The following RORA variants were observed in gnomAD, a reference collection of about 807,000 sequenced individuals.
RORA encodes RAR related orphan receptor A.
Under a neutral mutation model 69.5 loss-of-function variants are expected in RORA, and 7 were observed. That is an observed-to-expected ratio of 0.10 (90% CI 0.06 to 0.19). The LOEUF (loss-of-function observed/expected upper bound fraction) is 0.19. Ranked by LOEUF, RORA falls within the 10% of genes least tolerant of loss-of-function variation. The probability of loss-of-function intolerance (pLI) is 1.00; values close to 1 mark genes in which losing one functional copy is unlikely to be tolerated. For synonymous variants in RORA, 261 were observed against 240.8 expected (o/e 1.08, Z -0.78); for missense variants, 457 against 663.0 (o/e 0.69, Z 3.41).
At chr15:61,125,462 A>T (rs1042477329) in intron 1 of RORA, among the ~76,000 whole-genome samples, 1 of 152,214 alleles carries the variant, frequency 6.6e-6, no homozygotes, top group Admixed American at 6.5e-5. Context: ...GTGTGAAACA[A>T]GTGGGCACAA....
chr15:60,915,285 T>C (rs967127544), intron 1 of RORA, among the ~76,000 whole-genome samples: 4 of 130,578 alleles, frequency 3.1e-5, no homozygotes, highest in Non-Finnish European at 5.0e-5. Context: ...TTGGGACTTC[T>C]TTCCCCAATA....
In RORA at chr15:60,873,098, G is replaced by A. The variant is rs549221744; in HGVS notation, c.167-194412C>T. On this transcript the variant is annotated intron_variant, in intron 1 of 10. Transcript: ENST00000335670. ...TGATCTTTTGTCTCTCCCAGTCTCA[G>A]CTGGTGCCCAGAGCCTCTTGTGCCC... 5.0e-4 allele frequency among the ~76,000 whole-genome samples: 76 copies of A among 152,210 alleles called. 1 individual carries two copies. Among genetic ancestry groups the A allele is most frequent in the Non-Finnish European group, 2.2e-4 (15 of 68,006 alleles).
intron 1 of RORA, among the ~76,000 whole-genome samples, chr15:60,750,165 G>A (rs565286997): frequency 1.3e-5 from 2 of 152,276 alleles, no homozygotes; most frequent in Admixed American, 6.5e-5. Flanking sequence ...AGGAAATGGA[G>A]GTTCAAAAAG....
chr15:60,989,224 C>T (rs1894297555), intron 1 of RORA, among the ~76,000 whole-genome samples: 1 of 150,214 alleles, frequency 6.7e-6, no homozygotes, highest in Admixed American at 6.6e-5. Context: ...TGCTCCCCAT[C>T]CCCTTCTCCT....
At chr15:60,711,522 T>C (rs1462901916) in intron 1 of RORA, among the ~76,000 whole-genome samples, 1 of 152,176 alleles carries the variant, frequency 6.6e-6, no homozygotes, top group Non-Finnish European at 1.5e-5. Flanking sequence ...CATTTTTGCA[T>C]CCTTCCTTCC....
At position 61,110,691 on chromosome 15, in the gene RORA, C is replaced by G. The variant is rs2078998174; in HGVS notation, c.166+118362G>C. Among the ~76,000 whole-genome samples, 2 of 152,068 alleles carry G rather than the reference C, an allele frequency of 1.3e-5. 1 individual carries two copies. Among genetic ancestry groups the G allele is most frequent in the South Asian group, 4.1e-4 (2 of 4,820 alleles). On this transcript the variant is annotated intron_variant, in intron 1 of 10. Coordinates refer to ENST00000335670, the MANE Select transcript of RORA (RefSeq NM_134261.3). ...TGTGGAAGAGAGTGATACTGATGATCCTGATGGTCATAGAGTCATCCATAA... is the reference window on the plus strand; with the variant it reads ...TGTGGAAGAGAGTGATACTGATGATGCTGATGGTCATAGAGTCATCCATAA...
At chr15:60,717,517 T>A (rs1256858162) in intron 1 of RORA, among the ~76,000 whole-genome samples, 1 of 152,340 alleles carries the variant, frequency 6.6e-6, no homozygotes, top group East Asian at 1.9e-4. Context: ...CACTGGCAGT[T>A]AGAAGGCAAG....
chr15:60,749,355 G>A (rs1287079053), intron 1 of RORA, among the ~76,000 whole-genome samples: 1 of 152,154 alleles, frequency 6.6e-6, no homozygotes, highest in Non-Finnish European at 1.5e-5. Flanking sequence ...ACTGCAAATT[G>A]CTCTAAGCAG....
chr15:60,608,503 C>T (rs1432348694), intron 2 of RORA, among the ~76,000 whole-genome samples: 1 of 152,138 alleles, frequency 6.6e-6, no homozygotes, highest in African/African-American at 2.4e-5. Flanking sequence ...AGAGCTGGGA[C>T]TTGAACGGGG....
chr15:60,655,430 A>G (rs1331912562), intron 2 of RORA, among the ~76,000 whole-genome samples: 2 of 152,186 alleles, frequency 1.3e-5, no homozygotes, highest in African/African-American at 4.8e-5. Flanking sequence ...CTTAGCGGCC[A>G]ATTGCTTTAA....
chr15:60,573,795 C>T (rs528525838), intron 2 of RORA, among the ~76,000 whole-genome samples: 31 of 152,350 alleles, frequency 2.0e-4, no homozygotes, highest in African/African-American at 7.5e-4. Context: ...TTGTGCTCCT[C>T]CTCTGTGCTC....
chr15:60,915,155 T>C lies in RORA; in HGVS notation c.167-236469A>G, dbSNP rs1005531078. Among the ~76,000 whole-genome samples, 4 of 152,248 alleles carry C rather than the reference T, an allele frequency of 2.6e-5. No homozygotes were observed. In the East Asian group the frequency reaches 7.7e-4, roughly 29 times the overall value. ...CAGCCCAATATGTTCCTCTGGATTTTAAGTCCCAGGAGGGCAGAAACAAGG... is the reference window on the plus strand; with the variant it reads ...CAGCCCAATATGTTCCTCTGGATTTCAAGTCCCAGGAGGGCAGAAACAAGG... On this transcript the variant is annotated intron_variant, in intron 1 of 10. Transcript: ENST00000335670.
Position 60,623,366 on chromosome 15 carries a change from A to G in RORA, c.196+55291T>C, listed in dbSNP as rs866821504. On this transcript the variant is annotated intron_variant, in intron 2 of 10. Transcript: ENST00000335670. ...GATTTGGGATCTATCAGCAACTACA[A>G]TTCTATTGCACTTGCTTATGATACA... Among the ~76,000 whole-genome samples the G allele has an allele frequency of 3.9e-5, 6 of 152,362 alleles. No homozygotes were observed. In the Middle Eastern group the frequency reaches 0.01, roughly 259 times the overall value.
intron 1 of RORA, among the ~76,000 whole-genome samples, chr15:60,977,838 G>C (rs8032874): frequency 0.21 from 31,532 of 152,066 alleles, 3,421 homozygotes; most frequent in African/African-American, 0.25. Context: ...GGAGATACCA[G>C]ATTTTGCATG....
At chr15:60,598,851 G>GT (rs2068755135) in intron 2 of RORA, among the ~76,000 whole-genome samples, 1 of 152,230 alleles carries the variant, frequency 6.6e-6, no homozygotes, top group South Asian at 2.1e-4. Flanking sequence ...AGGCCCTGTG[G>GT]TCTAGCAGGC....
At chr15:60,613,113 A>G (rs2069138042) in intron 2 of RORA, among the ~76,000 whole-genome samples, 1 of 152,090 alleles carries the variant, frequency 6.6e-6, no homozygotes, top group South Asian at 2.1e-4. Context: ...AGTCATTTCA[A>G]TTCAATTAAG....
At chr15:61,191,112 A>T (rs1278748079) in intron 1 of RORA, among the ~76,000 whole-genome samples, 1 of 152,168 alleles carries the variant, frequency 6.6e-6, no homozygotes, top group Admixed American at 6.5e-5. Context: ...TTTAAAACAG[A>T]AGAGATTTGT....
At chr15:60,958,213 T>G (rs1023122582) in intron 1 of RORA, among the ~76,000 whole-genome samples, 5 of 152,192 alleles carry the variant, frequency 3.3e-5, no homozygotes, top group Admixed American at 3.3e-4. Flanking sequence ...GCAGAGATTT[T>G]ATACAAAGGA....
chr15:60,677,316 G>A, intron 2 of RORA: 1 of 421,360 alleles, frequency 2.4e-6, no homozygotes, highest in Non-Finnish European at 5.0e-6. Flanking sequence ...ACAACAGCAA[G>A]AACAAGAACA....
Sources: allele counts gnomAD v4.1 joint callset (sites outside exome capture counted in the v4.1 genomes callset), GRCh38; gene constraint gnomAD v4.1.1; transcripts MANE v1.5; gene names NCBI Gene and HGNC (gene_info 2026-07-23, HGNC 2026-07-21).